The following DROSHA variants were observed in gnomAD, a reference collection of about 807,000 sequenced individuals.
DROSHA encodes ribonuclease 3.
DROSHA carries 56 observed loss-of-function variants against 181.9 expected under a neutral mutation model. That is an observed-to-expected ratio of 0.31 (90% CI 0.25 to 0.38). The LOEUF is 0.38. Among genes scored for constraint, DROSHA ranks in the 10% least tolerant of loss-of-function variants. The pLI, the probability that DROSHA is intolerant of heterozygous loss-of-function variation, is 1.00. For missense variants in DROSHA, 1,218 were observed against 1,743.5 expected (o/e 0.70, Z 5.37); for synonymous variants, 524 against 591.2 (o/e 0.89, Z 1.65).
At chr5:31,434,569 C>A (rs1410385868) in intron 25 of DROSHA, among the ~76,000 whole-genome samples, 2 of 152,168 alleles carry the variant, frequency 1.3e-5, no homozygotes, top group African/African-American at 4.8e-5. Context: ...GATGTTATCA[C>A]ATAAAATAAA....
At chr5:31,437,552 G>A (rs545558569) in intron 23 of DROSHA, among the ~76,000 whole-genome samples, 197 of 152,026 alleles carry the variant, frequency 1.3e-3, no homozygotes, top group African/African-American at 4.5e-3. Flanking sequence ...CTTCCCCTGG[G>A]AACCACAGCC....
Position 31,429,341 on chromosome 5 carries a change from T to C in DROSHA, c.3216+134A>G, listed in dbSNP as rs1237997524. The C allele has an allele frequency of 1.1e-5, 8 of 730,364 alleles. No homozygotes were observed. In the Admixed American group the frequency reaches 2.2e-4, roughly 20 times the overall value. The allele number at this position is 730,364 out of a possible 1,614,324, so 45.2% of individuals were successfully genotyped here. On this transcript the variant is annotated intron_variant, in intron 27 of 35. Transcript: ENST00000344624. ...GAGTTGAATAAGCCATTTTGGTGTA[T>C]TGAAATGTCCCATCTATGGTAGATC...
intron 13 of DROSHA, 117 bp downstream of exon 13, chr5:31,493,090 G>C: frequency 9.6e-7 from 1 of 1,039,228 alleles, no homozygotes; most frequent in Non-Finnish European, 1.4e-6. Flanking sequence ...ACAATACAGA[G>C]GGATGCAGAG....
At chr5:31,459,890 T>C (rs569793727) in intron 20 of DROSHA, among the ~76,000 whole-genome samples, 19 of 152,278 alleles carry the variant, frequency 1.2e-4, no homozygotes, top group African/African-American at 4.6e-4. Context: ...GCACCTGTGC[T>C]TCCTTTTTTT....
Position 31,514,293 on chromosome 5 carries a change from G to A in DROSHA, c.1290+695C>T, listed in dbSNP as rs1580356610. ...TACACACTACAAACTGCATAAACTAGTTACATGTGAAAGCTTATGAAACCA... is the reference window on the plus strand; with the variant it reads ...TACACACTACAAACTGCATAAACTAATTACATGTGAAAGCTTATGAAACCA... On this transcript the variant is annotated intron_variant, in intron 8 of 35. Coordinates refer to ENST00000344624, the MANE Select transcript of DROSHA (RefSeq NM_001382508.1). This position sits in a 1 kb window ranked among gnomAD's most constrained non-coding sequence, Gnocchi z 4.4. 6.6e-6 allele frequency among the ~76,000 whole-genome samples: 1 copy of A among 151,572 alleles called. No homozygotes were observed. The highest frequency in any genetic ancestry group is 1.5e-5 in the Non-Finnish European group (1 of 67,898).
At chr5:31,507,224 G>C (rs1473242563) in intron 10 of DROSHA, among the ~76,000 whole-genome samples, 1 of 152,180 alleles carries the variant, frequency 6.6e-6, no homozygotes, top group Non-Finnish European at 1.5e-5. Context: ...ACTTTGGAAG[G>C]CTGAGCCAGG....
At position 31,451,582 on chromosome 5, in the gene DROSHA, T is replaced by C. The variant is rs368409491; in HGVS notation, c.2633A>G (p.His878Arg). The change falls in exon 21 of 36, where the codon CAT becomes CGT. Residue 878 changes from histidine (H) to arginine (R), a missense_variant. His to Arg is a conservative substitution (Grantham distance 29). This residue lies in a region of DROSHA where 460 missense variants were observed against 774.2 expected (regional missense o/e 0.59). Transcript: ENST00000344624. ...HHIRYHQCLM[H>R]LDKLIGYTFQ... ...AGTATATCCTATCAACTTGTCCAAATGCATTAGGCATTGGTGGTAGCGGAT... is the reference window on the plus strand; with the variant it reads ...AGTATATCCTATCAACTTGTCCAAACGCATTAGGCATTGGTGGTAGCGGAT... The C allele has an allele frequency of 1.9e-6, 3 of 1,613,106 alleles. No individual in the cohort carries two copies. Among genetic ancestry groups the C allele is most frequent in the South Asian group, 1.1e-5 (1 of 90,772 alleles).
chr5:31,509,659 TG>T (rs1214993417), intron 9 of DROSHA, among the ~76,000 whole-genome samples: 5 of 152,204 alleles, frequency 3.3e-5, no homozygotes, highest in Non-Finnish European at 7.3e-5. Context: ...CAGCGAAGGC[TG>T]GGAATGCAAG....
intron 13 of DROSHA, among the ~76,000 whole-genome samples, chr5:31,492,987 T>C (rs1752584302): frequency 6.6e-6 from 1 of 152,226 alleles, no homozygotes; most frequent in African/African-American, 2.4e-5. Context: ...CTTGTTTACT[T>C]ACACCATTTA....
In DROSHA at chr5:31,433,237, T is replaced by C. The variant is rs891336831; in HGVS notation, c.3043-1559A>G. Reference sequence around the variant, plus strand: ...TGTAGTATTTTATACTGTTTGAAATTTGTGATTATAAAATATACTCAAATG... The same window carrying C: ...TGTAGTATTTTATACTGTTTGAAATCTGTGATTATAAAATATACTCAAATG... On this transcript the variant is annotated intron_variant, in intron 25 of 35. Coordinates refer to ENST00000344624, the MANE Select transcript of DROSHA (RefSeq NM_001382508.1). 2.0e-5 allele frequency among the ~76,000 whole-genome samples: 3 copies of C among 152,336 alleles called. No homozygotes were observed. The South Asian group carries it at 6.2e-4, about 32-fold the overall frequency.
intron 5 of DROSHA, 93 bp downstream of exon 5, chr5:31,525,986 C>G (rs1046274958): frequency 2.4e-6 from 3 of 1,242,372 alleles, no homozygotes; most frequent in Admixed American, 5.0e-5. Context: ...TCAAGATGCC[C>G]TACTGGATCC....
intron 13 of DROSHA, among the ~76,000 whole-genome samples, chr5:31,488,338 G>A (rs956163801): frequency 8.6e-5 from 13 of 151,136 alleles, no homozygotes; most frequent in South Asian, 4.2e-4. Context: ...ACTTGAACCC[G>A]GGAGTTGGAG....
chr5:31,451,645 G>T lies in DROSHA; in HGVS notation c.2575-5C>A. 1 of 1,518,260 alleles carries T rather than the reference G, an allele frequency of 6.6e-7. No individual in the cohort carries two copies. Among genetic ancestry groups the T allele is most frequent in the Non-Finnish European group, 8.9e-7 (1 of 1,120,476 alleles). The allele number at this position is 1,518,260 out of a possible 1,614,324, so 94.0% of individuals were successfully genotyped here. On this transcript the variant is annotated splice_region_variant and splice_polypyrimidine_tract_variant and intron_variant, in intron 20 of 35. Coordinates refer to ENST00000344624, the MANE Select transcript of DROSHA (RefSeq NM_001382508.1). The stretch of plus-strand genomic sequence containing the variant: ...AACAGGTAGCATCATTGCATGCTAG[G>T]AAAAAAAAAATTCAATATGTTTAAC...
At chr5:31,437,935 TG>T (rs932389801) in intron 23 of DROSHA, among the ~76,000 whole-genome samples, 6 of 152,142 alleles carry the variant, frequency 3.9e-5, no homozygotes, top group Non-Finnish European at 1.5e-5. Context: ...TGAGCCACAC[TG>T]AAAATCTACT....
In DROSHA at chr5:31,409,606, G is replaced by T; in HGVS notation, c.3668-274C>A. On this transcript the variant is annotated intron_variant, in intron 31 of 35. Coordinates refer to ENST00000344624, the MANE Select transcript of DROSHA (RefSeq NM_001382508.1). This position sits in a 1 kb window ranked among gnomAD's most constrained non-coding sequence, Gnocchi z 4.0. ...CTTAAAAGGTACACAGAATGCCGCT[G>T]TATATCAGGGAAAAAATGCTGAGCA... The T allele has an allele frequency of 2.7e-6, 1 of 365,968 alleles. No homozygotes were observed. Among genetic ancestry groups the T allele is most frequent in the East Asian group, 5.4e-5 (1 of 18,448 alleles). 22.7% of individuals were successfully genotyped at this position (365,968 alleles called of 1,614,324 possible).
chr5:31,461,173 T>C (rs906642337), intron 20 of DROSHA, among the ~76,000 whole-genome samples: 10 of 152,168 alleles, frequency 6.6e-5, no homozygotes, highest in Non-Finnish European at 5.9e-5. Flanking sequence ...TGATAAAACA[T>C]TTTATCTGAT....
At chr5:31,455,676 TGTTACCCA>T (rs2150018716) in intron 20 of DROSHA, among the ~76,000 whole-genome samples, 1 of 151,408 alleles carries the variant, frequency 6.6e-6, no homozygotes, top group South Asian at 2.1e-4. Flanking sequence ...GGTCTCACTC[TGTTACCCA>T]GTTTGGAGTG....
intron 10 of DROSHA, among the ~76,000 whole-genome samples, chr5:31,506,993 T>C (rs1165936809): frequency 6.6e-6 from 1 of 152,138 alleles, no homozygotes; most frequent in African/African-American, 2.4e-5. Context: ...TAGAGGCTTC[T>C]TGCGAAACAG....
In DROSHA at chr5:31,424,427, T is replaced by C. The variant is rs1197124184; in HGVS notation, c.3261A>G (p.Gln1087=). Residue 1087 remains glutamine (Q), a splice_region_variant and synonymous_variant, in exon 28 of 36, where the codon CAA becomes CAG. Coordinates refer to ENST00000344624, the MANE Select transcript of DROSHA (RefSeq NM_001382508.1). ...CTGCAGACAGGGAGGTCATACTTAC[T>C]TGGAGTGGGTGGAGAGGATAATTGA... is the stretch of plus-strand genomic sequence containing the variant. ...VWLNYPLHPL[Q]LQEPNTDRQL... The C allele has an allele frequency of 5.6e-6, 9 of 1,598,144 alleles. No homozygotes were observed. The Admixed American group carries it at 1.0e-4, about 18-fold the overall frequency.
Sources: allele counts gnomAD v4.1 joint callset (sites outside exome capture counted in the v4.1 genomes callset), GRCh38; gene constraint gnomAD v4.1.1; regional missense constraint gnomAD v4.1.1; non-coding constraint Gnocchi (gnomAD v3.1); transcripts MANE v1.5; gene names NCBI Gene and HGNC (gene_info 2026-07-23, HGNC 2026-07-21).